The following FABP6 variants were observed in gnomAD, a reference collection of about 807,000 sequenced individuals.
FABP6 encodes the protein fatty acid binding protein 6, also known as gastrotropin.
Under a neutral mutation model 14.9 loss-of-function variants are expected in FABP6, and 13 were observed. That is an observed-to-expected ratio of 0.87 (90% CI 0.57 to 1.39). The LOEUF is 1.39. Among genes scored for constraint, FABP6 ranks in the 40% most tolerant of loss-of-function variants. The pLI, the probability that FABP6 is intolerant of heterozygous loss-of-function variation, is 0.00. For missense variants in FABP6, 161 were observed against 167.2 expected (o/e 0.96, Z 0.20); for synonymous variants, 75 against 63.6 (o/e 1.18, Z -0.85).
rs961275192 is a variant in FABP6, at chr5:160,212,294, A to C, written c.52-1442A>C. Among the ~76,000 whole-genome samples, 88 of 152,186 alleles carry C rather than the reference A, an allele frequency of 5.8e-4. 1 individual carries two copies. The highest frequency in any genetic ancestry group is 2.0e-3 in the African/African-American group (81 of 41,536). ...CTCAGCCTCCCAAGTAGCTGGGACT[A>C]CAGGCACCCGCCACCATGCCCAGCT... On this transcript the variant is annotated intron_variant, in intron 2 of 6. Coordinates refer to the FABP6 transcript ENST00000393980.
chr5:160,192,354 T>C (rs1335626373), intron 1 of FABP6, among the ~76,000 whole-genome samples: 2 of 152,178 alleles, frequency 1.3e-5, no homozygotes, highest in Non-Finnish European at 2.9e-5. Flanking sequence ...CACCCTGTGT[T>C]CTCCTGTTTC....
intron 2 of FABP6, 76 bp from the exon 3 acceptor site, chr5:160,234,744 C>T (rs992762289): frequency 9.2e-6 from 11 of 1,193,686 alleles, no homozygotes; most frequent in Middle Eastern, 4.2e-4. Flanking sequence ...ATTCTTCTTA[C>T]TGCCCGCGCC....
At chr5:160,228,258 G>T (rs1437422424), upstream of FABP6, among the ~76,000 whole-genome samples, 1 of 152,054 alleles carries the variant, frequency 6.6e-6, no homozygotes, top group Non-Finnish European at 1.5e-5. Context: ...GGGTGTGGTG[G>T]TGCATGCCTG....
chr5:160,194,179 G>A (rs1482227290), intron 1 of FABP6, among the ~76,000 whole-genome samples: 1 of 152,220 alleles, frequency 6.6e-6, no homozygotes, highest in Non-Finnish European at 1.5e-5. Flanking sequence ...AGGGCCGGCC[G>A]GCTGCTCCCA....
At chr5:160,235,433 T>A (rs1477387401) in intron 3 of FABP6, among the ~76,000 whole-genome samples, 1 of 152,114 alleles carries the variant, frequency 6.6e-6, no homozygotes, top group Non-Finnish European at 1.5e-5. Context: ...ATTAAAAAAA[T>A]TCTGTAAATA....
intron 3 of FABP6, among the ~76,000 whole-genome samples, chr5:160,219,973 T>G (rs1272455932): frequency 1.3e-5 from 2 of 152,120 alleles, no homozygotes; most frequent in African/African-American, 4.8e-5. Flanking sequence ...TTACAGCCTA[T>G]TCCACATAGA....
chr5:160,233,532 C>T (rs1760438024), intron 2 of FABP6, among the ~76,000 whole-genome samples: 2 of 152,112 alleles, frequency 1.3e-5, no homozygotes, highest in South Asian at 4.1e-4. Context: ...TTGCCTGCCA[C>T]ATAATGAATG....
At chr5:160,225,464 T>C (rs1487989281), upstream of FABP6, among the ~76,000 whole-genome samples, 4 of 146,862 alleles carry the variant, frequency 2.7e-5, no homozygotes, top group Non-Finnish European at 6.0e-5. Context: ...TGCAGTGGTG[T>C]GATCTCGGCT....
At chr5:160,198,187 C>T (rs1323019373) in intron 1 of FABP6, 3 of 151,876 alleles carry the variant, frequency 2.0e-5, no homozygotes, top group Admixed American at 2.0e-4. Flanking sequence ...CTATATCTGG[C>T]TACATAGTCT....
intron 1 of FABP6, chr5:160,197,921 C>CGT (rs34714032): frequency 0.25 from 31,116 of 126,822 alleles, 4,230 homozygotes; most frequent in Non-Finnish European, 0.27. Context: ...AAGGCTGCTT[C>CGT]GTGTGTGTGT....
chr5:160,233,733 C>T (rs549595858), intron 2 of FABP6, among the ~76,000 whole-genome samples: 19 of 151,976 alleles, frequency 1.3e-4, no homozygotes, highest in South Asian at 2.1e-4. Flanking sequence ...ATTAGCCAGG[C>T]GTGGTGGCCG....
chr5:160,192,235 G>A (rs1331475673), intron 1 of FABP6, among the ~76,000 whole-genome samples: 2 of 151,208 alleles, frequency 1.3e-5, no homozygotes, highest in Non-Finnish European at 2.9e-5. Context: ...CTATGTTGCC[G>A]AGGCTAATCT....
At chr5:160,229,819 CTTTTTTATTTTATTTTATTT>C (rs1394510609) in intron 1 of FABP6, among the ~76,000 whole-genome samples, 195 bp downstream of exon 1, 26 of 148,550 alleles carry the variant, frequency 1.8e-4, no homozygotes, top group Non-Finnish European at 3.0e-4. Flanking sequence ...CACTCTTTAA[CTTTTTTATTTTATTTTATTT>C]TATTTTATTT....
chr5:160,216,710 G>C (rs1193647353), intron 3 of FABP6, among the ~76,000 whole-genome samples: 1 of 152,144 alleles, frequency 6.6e-6, no homozygotes, highest in Non-Finnish European at 1.5e-5. Context: ...GTGTAACCTT[G>C]GACAAGTCAC....
At chr5:160,213,845 G>C in intron 3 of FABP6, 5 of 1,572,058 alleles carry the variant, frequency 3.2e-6, no homozygotes, top group Non-Finnish European at 4.4e-6. Context: ...AGGGAGGGAA[G>C]GGTTCCTGAC....
Position 160,221,364 on chromosome 5 carries a change from T to A in FABP6, c.135+7545T>A, listed in dbSNP as rs373051134. ...AAAGCCTGATTGGAGGAGGCGGGGGTGAAGGACAATTAGAATTCAGAAAGA... is the reference window on the plus strand; with the variant it reads ...AAAGCCTGATTGGAGGAGGCGGGGGAGAAGGACAATTAGAATTCAGAAAGA... On this transcript the variant is annotated intron_variant, in intron 3 of 6. Coordinates refer to the FABP6 transcript ENST00000393980. 1.2e-4 allele frequency among the ~76,000 whole-genome samples: 18 copies of A among 151,738 alleles called. No homozygotes were observed. The East Asian group carries it at 3.1e-3, about 26-fold the overall frequency.
At chr5:160,234,091 C>CT (rs1321801620) in intron 2 of FABP6, among the ~76,000 whole-genome samples, 1 of 152,132 alleles carries the variant, frequency 6.6e-6, no homozygotes, top group Non-Finnish European at 1.5e-5. Context: ...AGCAGATAAG[C>CT]TGTAAGTCTG....
At chr5:160,231,560 A>AT (rs1233466806) in intron 1 of FABP6, among the ~76,000 whole-genome samples, 2 of 151,834 alleles carry the variant, frequency 1.3e-5, no homozygotes, top group East Asian at 3.9e-4. Context: ...TGCCCAGATA[A>AT]TTTTTTTGTA....
intron 1 of FABP6, among the ~76,000 whole-genome samples, chr5:160,193,051 C>A (rs6556475): frequency 7.9e-5 from 12 of 152,068 alleles, no homozygotes. Flanking sequence ...ATTGTGTGTC[C>A]GGAATTGGTG....
Sources: gnomAD v4.1 joint callset for allele counts (sites outside exome capture counted in the v4.1 genomes callset) on GRCh38, gnomAD v4.1.1 for gene constraint, MANE v1.5 for transcripts, NCBI Gene and HGNC (gene_info 2026-07-23, HGNC 2026-07-21) for gene names.